The following ATF6 variants were observed in gnomAD, a reference collection of about 807,000 sequenced individuals.
ATF6 encodes activating transcription factor 6.
Under a neutral mutation model 83.6 loss-of-function variants are expected in ATF6, and 53 were observed. The ratio of observed to expected loss-of-function variants is 0.63; its 90% CI spans 0.51 to 0.80. ATF6 has a LOEUF of 0.80. Among genes scored for constraint, ATF6 ranks in the 30% least tolerant of loss-of-function variants. The pLI is 0.00. For missense variants in ATF6, 744 were observed against 797.9 expected (o/e 0.93, Z 0.81); for synonymous variants, 288 against 285.8 (o/e 1.01, Z -0.08).
At chr1:161,902,767 A>G (rs1221585049) in intron 14 of ATF6, among the ~76,000 whole-genome samples, 2 of 152,220 alleles carry the variant, frequency 1.3e-5, no homozygotes, top group Non-Finnish European at 2.9e-5. Context: ...TATGGAGCTC[A>G]TGGAGCTCAT....
intron 15 of ATF6, among the ~76,000 whole-genome samples, chr1:161,953,915 A>G (rs747680744): frequency 6.6e-6 from 1 of 152,216 alleles, no homozygotes; most frequent in Non-Finnish European, 1.5e-5. Context: ...ATTAAATGGA[A>G]CATTTATAAA....
chr1:161,797,644 A>G (rs1685052354), intron 6 of ATF6, among the ~76,000 whole-genome samples: 2 of 152,206 alleles, frequency 1.3e-5, no homozygotes, highest in African/African-American at 4.8e-5. Flanking sequence ...AATGAGTTAC[A>G]AAACACTGCT....
At chr1:161,855,146 T>C (rs1361537088) in intron 12 of ATF6, among the ~76,000 whole-genome samples, 1 of 152,080 alleles carries the variant, frequency 6.6e-6, no homozygotes, top group Admixed American at 6.5e-5. Context: ...ATTTATATTT[T>C]AAAAAATTAG....
chr1:161,884,420 G>A (rs1687378972), intron 14 of ATF6, among the ~76,000 whole-genome samples: 2 of 151,946 alleles, frequency 1.3e-5, no homozygotes, highest in African/African-American at 2.4e-5. Context: ...GAGCTTAAAA[G>A]TTTTCTTCCT....
At chr1:161,874,890 C>T (rs905240387) in intron 14 of ATF6, among the ~76,000 whole-genome samples, 3 of 151,556 alleles carry the variant, frequency 2.0e-5, no homozygotes, top group South Asian at 4.2e-4. Flanking sequence ...TCTATCTATC[C>T]ATCTCCTTGT....
At chr1:161,905,325 C>G (rs139464066) in intron 14 of ATF6, among the ~76,000 whole-genome samples, 2 of 152,170 alleles carry the variant, frequency 1.3e-5, no homozygotes, top group East Asian at 3.9e-4. Context: ...CCAATATGTT[C>G]CTTTTTTTCA....
chr1:161,892,628 C>CTTTTTTTTTTTTTTTTTTTT (rs773642361), intron 14 of ATF6, among the ~76,000 whole-genome samples: 1 of 124,716 alleles, frequency 8.0e-6, no homozygotes, highest in Admixed American at 8.9e-5. Flanking sequence ...ACAGGTCATT[C>CTTTTTTTTTTTTTTTTTTTT]TTTTTTTTTT....
intron 14 of ATF6, among the ~76,000 whole-genome samples, chr1:161,908,944 A>G (rs1260587341): frequency 1.3e-5 from 2 of 152,230 alleles, no homozygotes; most frequent in African/African-American, 4.8e-5. Context: ...TAAATTATAA[A>G]TATGGTTTCT....
intron 14 of ATF6, among the ~76,000 whole-genome samples, chr1:161,884,595 T>C (rs1006037351): frequency 2.0e-5 from 3 of 152,112 alleles, no homozygotes; most frequent in South Asian, 2.1e-4. Context: ...TTTTCTGTCA[T>C]TAGTCCAGCG....
At chr1:161,957,789 C>T (rs1476813316) in intron 15 of ATF6, among the ~76,000 whole-genome samples, 1 of 152,184 alleles carries the variant, frequency 6.6e-6, no homozygotes, top group African/African-American at 2.4e-5. Context: ...GAATCAGGAA[C>T]TCTGGAAATA....
In ATF6 at chr1:161,958,724, T is replaced by G. The variant is rs1350068348; in HGVS notation, c.*70T>G. 2 of 1,328,816 alleles carry G rather than the reference T, an allele frequency of 1.5e-6. No homozygotes were observed. Among genetic ancestry groups the G allele is most frequent in the African/African-American group, 2.9e-5 (2 of 68,338 alleles). The allele number at this position is 1,328,816 out of a possible 1,614,324, so 82.3% of individuals were successfully genotyped here. Reference sequence around the variant, plus strand: ...ACTGAAGAGCAGGTGAGCAAAATGCTGCTTTCTGCCTTGGTGGCAGGCAGA... The same window carrying G: ...ACTGAAGAGCAGGTGAGCAAAATGCGGCTTTCTGCCTTGGTGGCAGGCAGA... On this transcript the variant is annotated 3_prime_UTR_variant, in exon 16 of 16. Coordinates refer to ENST00000367942, the MANE Select transcript of ATF6 (RefSeq NM_007348.4).
At chr1:161,874,883 A>T (rs1043699188) in intron 14 of ATF6, among the ~76,000 whole-genome samples, 3 of 151,686 alleles carry the variant, frequency 2.0e-5, no homozygotes, top group Admixed American at 2.0e-4. Context: ...ATGTCTGTCT[A>T]TCTATCCATC....
chr1:161,897,209 G>A (rs1205710319), intron 14 of ATF6, among the ~76,000 whole-genome samples: 2 of 151,962 alleles, frequency 1.3e-5, no homozygotes, highest in Admixed American at 6.5e-5. Flanking sequence ...TGAAGCGGGC[G>A]GCTTGCCTGA....
At chr1:161,901,441 CAATT>C (rs758171087) in intron 14 of ATF6, among the ~76,000 whole-genome samples, 5 of 125,560 alleles carry the variant, frequency 4.0e-5, no homozygotes, top group African/African-American at 1.2e-4. Context: ...AAAAAAAAAA[CAATT>C]AAAATTTTAA....
intron 9 of ATF6, among the ~76,000 whole-genome samples, chr1:161,823,769 A>G (rs1685818254): frequency 6.6e-6 from 1 of 152,204 alleles, no homozygotes; most frequent in Non-Finnish European, 1.5e-5. Context: ...ATCGGTATGC[A>G]GTTGGAAAAG....
intron 1 of ATF6, among the ~76,000 whole-genome samples, chr1:161,773,737 C>T (rs1243903706): frequency 6.6e-6 from 1 of 152,094 alleles, no homozygotes; most frequent in African/African-American, 2.4e-5. Context: ...TTATTTACTA[C>T]TGTTGAGGGA....
chr1:161,830,674 C>T (rs1416861633), intron 9 of ATF6, among the ~76,000 whole-genome samples: 1 of 152,202 alleles, frequency 6.6e-6, no homozygotes, highest in Non-Finnish European at 1.5e-5. Context: ...CTTTGACAAA[C>T]CTGACAAAAC....
At position 161,792,107 on chromosome 1, in the gene ATF6, G is replaced by T. The variant is rs763210080; in HGVS notation, c.485-17G>T. 6.2e-7 allele frequency: 1 copy of T among 1,611,610 alleles called. No individual in the cohort carries two copies. The highest frequency in any genetic ancestry group is 8.5e-7 in the Non-Finnish European group (1 of 1,178,736). On this transcript the variant is annotated splice_polypyrimidine_tract_variant and intron_variant, in intron 5 of 15. Transcript: ENST00000367942. ...TTGCTTTCACATTGACTTGTGGTTTGTCTGGTTTTTCTCCAGAAAATGGAC... is the reference window on the plus strand; with the variant it reads ...TTGCTTTCACATTGACTTGTGGTTTTTCTGGTTTTTCTCCAGAAAATGGAC...
intron 14 of ATF6, among the ~76,000 whole-genome samples, chr1:161,887,716 C>T (rs1389303805): frequency 6.6e-6 from 1 of 152,058 alleles, no homozygotes; most frequent in Non-Finnish European, 1.5e-5. Flanking sequence ...ACATAGGACC[C>T]CAGAATCGCT....
Sources: allele counts gnomAD v4.1 joint callset (sites outside exome capture counted in the v4.1 genomes callset), GRCh38; gene constraint gnomAD v4.1.1; transcripts MANE v1.5; gene names NCBI Gene and HGNC (gene_info 2026-07-23, HGNC 2026-07-21).